Variants in AXIN1 observed in about 807,000 individuals in gnomAD.
AXIN1 encodes the protein axin 1.
Under a neutral mutation model 76.4 loss-of-function variants are expected in AXIN1, and 30 were observed. The observed-to-expected ratio is 0.39, with a 90% CI of 0.29 to 0.53. AXIN1 has a LOEUF of 0.53. Ranked by LOEUF, AXIN1 falls within the 20% of genes least tolerant of loss-of-function variation. The probability of loss-of-function intolerance (pLI) is 0.66; values close to 1 mark genes in which losing one functional copy is unlikely to be tolerated. For synonymous variants in AXIN1, 545 were observed against 501.4 expected (o/e 1.09, Z -1.16); for missense variants, 1,140 against 1,198.8 (o/e 0.95, Z 0.72).
intron 2 of AXIN1, among the ~76,000 whole-genome samples, chr16:343,979 G>C: frequency 6.7e-6 from 1 of 150,288 alleles, no homozygotes; most frequent in Non-Finnish European, 1.5e-5. Context: ...CTGCACTCCA[G>C]CCTGTGTGAC....
At position 321,018 on chromosome 16, in the gene AXIN1, T is replaced by A. The variant is rs539109357; in HGVS notation, c.879-6335A>T. Among the ~76,000 whole-genome samples the A allele has an allele frequency of 7.9e-5, 12 of 152,152 alleles. No individual in the cohort carries two copies. The South Asian group carries it at 1.5e-3, about 18-fold the overall frequency. On this transcript the variant is annotated intron_variant, in intron 2 of 10. Coordinates refer to ENST00000262320, the MANE Select transcript of AXIN1 (RefSeq NM_003502.4). Reference sequence around the variant, plus strand: ...CTCCCAAAGTGCTGGGATTACAGGCTTAAGCCACTGCGCCTGCCCACAAAA... The same window carrying A: ...CTCCCAAAGTGCTGGGATTACAGGCATAAGCCACTGCGCCTGCCCACAAAA...
At chr16:296,888 A>T (rs931568310) in intron 7 of AXIN1, among the ~76,000 whole-genome samples, 168 bp downstream of exon 7, 1 of 152,114 alleles carries the variant, frequency 6.6e-6, no homozygotes, top group Non-Finnish European at 1.5e-5. Flanking sequence ...CGTGGGGCCC[A>T]GGGAGCCTGC....
Position 310,015 on chromosome 16 carries a change from C to T in AXIN1, c.1074G>A (p.Glu358=), listed in dbSNP as rs752268532. The T allele has an allele frequency of 6.2e-7, 1 of 1,613,492 alleles. No individual in the cohort carries two copies. Among genetic ancestry groups the T allele is most frequent in the East Asian group, 2.2e-5 (1 of 44,878 alleles). The change falls in exon 4 of 11, where the codon GAG becomes GAA. Residue 358 remains glutamate, a synonymous_variant. Coordinates refer to ENST00000262320, the MANE Select transcript of AXIN1 (RefSeq NM_003502.4). ...IRKQHRREMQ[E]SVQVNGRVPL... ...GCACCCGCCCATTGACCTGCACGCTCTCCTGCATCTCCCTGCGGTGCTGCT... is the reference window on the plus strand; with the variant it reads ...GCACCCGCCCATTGACCTGCACGCTTTCCTGCATCTCCCTGCGGTGCTGCT...
chr16:348,660 G>A lies in AXIN1; in HGVS notation c.-81-1554C>T, dbSNP rs529247746. Among the ~76,000 whole-genome samples, 48 of 152,252 alleles carry A rather than the reference G, an allele frequency of 3.2e-4. No homozygotes were observed. The South Asian group carries it at 3.3e-3, about 11-fold the overall frequency. Reference sequence around the variant, plus strand: ...ACCAAAAAACAGTTCTTAATTAGCCGGGTATGGTAGCGTATGCCTGTAGTC... The same window carrying A: ...ACCAAAAAACAGTTCTTAATTAGCCAGGTATGGTAGCGTATGCCTGTAGTC... On this transcript the variant is annotated intron_variant, in intron 1 of 10. Coordinates refer to ENST00000262320, the MANE Select transcript of AXIN1 (RefSeq NM_003502.4).
chr16:294,054 T>C (rs1024713948), intron 7 of AXIN1, among the ~76,000 whole-genome samples: 2 of 152,030 alleles, frequency 1.3e-5, no homozygotes, highest in African/African-American at 4.8e-5. Flanking sequence ...CCTGCTACTC[T>C]GGAGGCTGGG....
intron 5 of AXIN1, among the ~76,000 whole-genome samples, chr16:301,452 T>G (rs535974769): frequency 6.6e-6 from 1 of 151,952 alleles, no homozygotes; most frequent in South Asian, 2.1e-4. Context: ...GAGTCACAGG[T>G]GAGAGCCACA....
At chr16:342,715 C>T (rs1417969965) in intron 2 of AXIN1, among the ~76,000 whole-genome samples, 1 of 152,250 alleles carries the variant, frequency 6.6e-6, no homozygotes, top group Non-Finnish European at 1.5e-5. Context: ...GCCCATCCGT[C>T]AGAGCTGCGG....
At chr16:314,427 G>A in intron 3 of AXIN1, 116 bp downstream of exon 3, 2 of 1,517,674 alleles carry the variant, frequency 1.3e-6, no homozygotes, top group Non-Finnish European at 1.8e-6. Flanking sequence ...CCATCCGCAA[G>A]AAACAGGGTG....
intron 2 of AXIN1, among the ~76,000 whole-genome samples, chr16:332,592 C>CA (rs1327299249): frequency 9.6e-4 from 93 of 96,814 alleles, no homozygotes; most frequent in Middle Eastern, 5.7e-3. Flanking sequence ...AAAAAGAAAA[C>CA]AAAAAAAAAA....
chr16:330,626 C>G (rs1441125036), intron 2 of AXIN1, among the ~76,000 whole-genome samples: 1 of 152,200 alleles, frequency 6.6e-6, no homozygotes, highest in Admixed American at 6.5e-5. Flanking sequence ...TCTTCAGAGC[C>G]TGGAACTGCA....
At chr16:326,394 T>TATATATATACACAC (rs144093618) in intron 2 of AXIN1, among the ~76,000 whole-genome samples, 51 of 119,648 alleles carry the variant, frequency 4.3e-4, no homozygotes, top group Middle Eastern at 4.3e-3. Flanking sequence ...TATATATATA[T>TATATATATACACAC]ACACACCTAT....
At chr16:311,968 G>C (rs1349692760) in intron 3 of AXIN1, among the ~76,000 whole-genome samples, 1 of 152,196 alleles carries the variant, frequency 6.6e-6, no homozygotes, top group Non-Finnish European at 1.5e-5. Flanking sequence ...GAGTGTTGTG[G>C]GCAATGGTGA....
At chr16:323,863 A>G (rs2141630362) in intron 2 of AXIN1, among the ~76,000 whole-genome samples, 1 of 152,290 alleles carries the variant, frequency 6.6e-6, no homozygotes, top group South Asian at 2.1e-4. Context: ...CTCTAGGAGC[A>G]TAAGCACAGG....
chr16:321,548 TCCTGATAAA>T (rs1305425258), intron 2 of AXIN1, among the ~76,000 whole-genome samples: 1 of 152,234 alleles, frequency 6.6e-6, no homozygotes, highest in Non-Finnish European at 1.5e-5. Context: ...CAAGGCTGTG[TCCTGATAAA>T]CCTCTCATAG....
chr16:300,728 G>A (rs577296642), intron 5 of AXIN1, among the ~76,000 whole-genome samples: 24 of 152,320 alleles, frequency 1.6e-4, no homozygotes, highest in Non-Finnish European at 2.9e-4. Context: ...GGCGGATGCA[G>A]CTATGCTGCC....
rs543970150 is a variant in AXIN1, at chr16:337,023, G to A, written c.878+9125C>T. Among the ~76,000 whole-genome samples, 341 of 150,718 alleles carry A rather than the reference G, an allele frequency of 2.3e-3. 1 individual carries two copies. The highest frequency in any genetic ancestry group is 8.1e-3 in the African/African-American group (331 of 41,108). ...AAATTAGCCGGGCATGGTGGCAGGC[G>A]CCTGTAATCCCAGATACTGGGGAGG... On this transcript the variant is annotated intron_variant, in intron 2 of 10. Transcript: ENST00000262320.
intron 4 of AXIN1, among the ~76,000 whole-genome samples, chr16:305,790 T>C (rs1156545708): frequency 2.6e-5 from 4 of 152,092 alleles, no homozygotes; most frequent in African/African-American, 4.8e-5. Flanking sequence ...GTGATCCGCC[T>C]GCCTCAGCCT....
intron 5 of AXIN1, among the ~76,000 whole-genome samples, chr16:303,635 G>A (rs2052935255): frequency 6.6e-6 from 1 of 151,972 alleles, no homozygotes; most frequent in Non-Finnish European, 1.5e-5. Flanking sequence ...GCCCGCCTCG[G>A]CCTCCCAAAA....
At chr16:291,597 CCCTCTGGTGGGA>C in intron 8 of AXIN1, 1 of 488,134 alleles carries the variant, frequency 2.0e-6, no homozygotes, top group Admixed American at 3.3e-5. Flanking sequence ...CCACCTCATC[CCCTCTGGTGGGA>C]TGACATCTCG....
Sources: gnomAD v4.1 joint callset for allele counts (sites outside exome capture counted in the v4.1 genomes callset) on GRCh38, gnomAD v4.1.1 for gene constraint, MANE v1.5 for transcripts, NCBI Gene and HGNC (gene_info 2026-07-23, HGNC 2026-07-21) for gene names.